Variants in LOC400499 observed in about 807,000 individuals in gnomAD.
chr16:11,393,088 T>G, the LOC400499 span, among the ~76,000 whole-genome samples: 1 of 152,008 alleles, frequency 6.6e-6, no homozygotes, highest in African/African-American at 2.4e-5. Flanking sequence ...TCTCCTGACC[T>G]TGTGATCCAC....
chr16:11,491,513 G>T, the LOC400499 span, among the ~76,000 whole-genome samples: 3 of 152,174 alleles, frequency 2.0e-5, no homozygotes, highest in African/African-American at 7.2e-5. Flanking sequence ...GAATTGCCAT[G>T]TGGGGGAGGG....
chr16:11,476,771 T>C, the LOC400499 span: 2 of 399,326 alleles, frequency 5.0e-6, no homozygotes, highest in Non-Finnish European at 8.8e-6. Context: ...CACCTGAAGC[T>C]GAGCAGCTCC....
chr16:11,404,032 C>T, the LOC400499 span, among the ~76,000 whole-genome samples: 2 of 152,308 alleles, frequency 1.3e-5, no homozygotes, highest in East Asian at 1.9e-4. Flanking sequence ...ATGCAAACCT[C>T]ATTTCCAAGT....
chr16:11,449,208 T>A, the LOC400499 span: 8 of 1,109,752 alleles, frequency 7.2e-6, no homozygotes, highest in Non-Finnish European at 1.2e-6. Flanking sequence ...CTCCTCTTCA[T>A]CCCTCAAAAC....
At chr16:11,392,051 C>A in the LOC400499 span, 13 of 400,380 alleles carry the variant, frequency 3.2e-5, no homozygotes, top group South Asian at 7.6e-4. Context: ...AAGCCTTGAA[C>A]CTTCTCTTCC....
chr16:11,413,577 C>A, the LOC400499 span, among the ~76,000 whole-genome samples: 1 of 152,260 alleles, frequency 6.6e-6, no homozygotes, highest in South Asian at 2.1e-4. Flanking sequence ...CAGGAGGACA[C>A]CGTGAGGAAG....
At chr16:11,429,578 AT>A in the LOC400499 span, among the ~76,000 whole-genome samples, 4,697 of 152,188 alleles carry the variant, frequency 0.031, 256 homozygotes, top group African/African-American at 0.11. Flanking sequence ...TGTTCGAGTG[AT>A]TCTCGTGCCT....
chr16:11,410,044 T>A, the LOC400499 span, among the ~76,000 whole-genome samples: 1 of 152,186 alleles, frequency 6.6e-6, no homozygotes, highest in South Asian at 2.1e-4. Context: ...CTCCAGAGGC[T>A]GAGGCAGGAG....
chr16:11,484,995 C>T, the LOC400499 span: 9 of 399,020 alleles, frequency 2.3e-5, no homozygotes, highest in Non-Finnish European at 3.5e-5. Flanking sequence ...GGCTCTCTCC[C>T]GTCTTCCTGA....
the LOC400499 span, among the ~76,000 whole-genome samples, chr16:11,384,520 G>A: frequency 4.6e-5 from 7 of 152,190 alleles, no homozygotes; most frequent in African/African-American, 9.7e-5. Context: ...GGAAGAGAAA[G>A]CACAGGGGCT....
the LOC400499 span, chr16:11,401,196 C>T: frequency 2.5e-6 from 1 of 398,876 alleles, no homozygotes; most frequent in East Asian, 3.6e-5. Context: ...AGGTGCCCAG[C>T]CCCACAGGCT....
chr16:11,495,390 T>TA, the LOC400499 span, among the ~76,000 whole-genome samples: 1 of 151,254 alleles, frequency 6.6e-6, no homozygotes, highest in Non-Finnish European at 1.5e-5. Flanking sequence ...AATCTTTTTT[T>TA]TTTTTTTTAA....
the LOC400499 span, among the ~76,000 whole-genome samples, chr16:11,381,611 C>T: frequency 6.6e-6 from 1 of 152,178 alleles, no homozygotes; most frequent in South Asian, 2.1e-4. Flanking sequence ...CGTAAATGAA[C>T]GTCGGTGGAT....
the LOC400499 span, chr16:11,440,968 G>C: frequency 2.5e-6 from 1 of 399,002 alleles, no homozygotes; most frequent in African/African-American, 2.1e-5. Flanking sequence ...TCCAGGGCCA[G>C]GCTGTGCCGG....
the LOC400499 span, chr16:11,514,366 C>T: frequency 5.0e-6 from 2 of 399,098 alleles, no homozygotes; most frequent in Non-Finnish European, 8.8e-6. Context: ...CACCTGTGCC[C>T]GCTGGATCTT....
chr16:11,505,445 C>CTTTTTTTTTTTTTTTTTTTTTTTTTTT, the LOC400499 span, among the ~76,000 whole-genome samples: 1 of 71,958 alleles, frequency 1.4e-5, no homozygotes, highest in Non-Finnish European at 2.4e-5. Context: ...TTTTTCTTTT[C>CTTTTTTTTTTTTTTTTTTTTTTTTTTT]TTTTTTTTTT....
chr16:11,392,302 C>T, the LOC400499 span: 1 of 399,090 alleles, frequency 2.5e-6, no homozygotes, highest in Non-Finnish European at 4.4e-6. Context: ...TGTGTCCCAG[C>T]CCAGGCCCTC....
chr16:11,468,852 C>G, the LOC400499 span, among the ~76,000 whole-genome samples: 1 of 152,174 alleles, frequency 6.6e-6, no homozygotes, highest in Non-Finnish European at 1.5e-5. Context: ...GTCTCGAACT[C>G]CTGATTTCAG....
chr16:11,473,687 AGAGGTTGCAGT>A, the LOC400499 span, among the ~76,000 whole-genome samples: 5 of 151,558 alleles, frequency 3.3e-5, no homozygotes, highest in Non-Finnish European at 7.4e-5. Flanking sequence ...CCCAGGAGAC[AGAGGTTGCAGT>A]GAGCCGAGAC....
Sources: gnomAD v4.1 joint callset for allele counts (sites outside exome capture counted in the v4.1 genomes callset) on GRCh38, gnomAD v4.1.1 for gene constraint, MANE v1.5 for transcripts.